RYR3: variants seen among roughly 807,000 people sequenced by gnomAD.
RYR3 encodes ryanodine receptor 3.
RYR3 carries 207 observed loss-of-function variants against 584.3 expected under a neutral mutation model. That is an observed-to-expected ratio of 0.35 (90% CI 0.32 to 0.40). The LOEUF (loss-of-function observed/expected upper bound fraction) is 0.40. Ranked by LOEUF, RYR3 falls within the 10% of genes least tolerant of loss-of-function variation. The pLI is 1.00. For missense variants in RYR3, 5,616 were observed against 6,089.2 expected, an observed-to-expected ratio of 0.92 and a Z score of 2.59; for synonymous variants, 2,416 against 2,248.5, an observed-to-expected ratio of 1.07 and a Z score of -2.11.
chr15:33,347,754 C>T (rs1972654267), intron 1 of RYR3, among the ~76,000 whole-genome samples: 1 of 152,022 alleles, frequency 6.6e-6, no homozygotes, highest in African/African-American at 2.4e-5. Flanking sequence ...TTTGTCATAG[C>T]CCATCAATTA....
At chr15:33,621,391 A>G (rs1410838469) in intron 19 of RYR3, among the ~76,000 whole-genome samples, 4 of 152,230 alleles carry the variant, frequency 2.6e-5, no homozygotes, top group Non-Finnish European at 5.9e-5. Context: ...ATCCAATTTT[A>G]TCCCATGGTT....
chr15:33,663,743 G>T lies in RYR3; in HGVS notation c.5619+6G>T. 1 of 1,596,264 alleles carries T rather than the reference G, an allele frequency of 6.3e-7. No homozygotes were observed. The highest frequency in any genetic ancestry group is 8.5e-7 in the Non-Finnish European group (1 of 1,172,100). On this transcript the variant is annotated splice_donor_region_variant and intron_variant, in intron 36 of 103. Transcript: ENST00000634891. The stretch of plus-strand genomic sequence containing the variant: ...GCTCACCCCCACAGGAGCAGGTGAG[G>T]GTCCTTCCTGAGCCTCTGTCCAGTT...
At chr15:33,772,510 A>G (rs2073654377) in intron 63 of RYR3, among the ~76,000 whole-genome samples, 1 of 152,212 alleles carries the variant, frequency 6.6e-6, no homozygotes, top group African/African-American at 2.4e-5. Flanking sequence ...TTTTTGAGAC[A>G]TCATTTTTCT....
At position 33,701,088 on chromosome 15, in the gene RYR3, G is replaced by T. The variant is rs776504203; in HGVS notation, c.6483+8G>T. 3.1e-6 allele frequency: 5 copies of T among 1,600,058 alleles called. No individual in the cohort carries two copies. Among genetic ancestry groups the T allele is most frequent in the Non-Finnish European group, 4.3e-6 (5 of 1,169,160 alleles). On this transcript the variant is annotated splice_region_variant and intron_variant, in intron 42 of 103. Transcript: ENST00000634891. Reference sequence around the variant, plus strand: ...GAACCAGACCTCGAGAAGGTAACCGGCCCTTGGGGTGGCAGTGTGGTGTTC... The same window carrying T: ...GAACCAGACCTCGAGAAGGTAACCGTCCCTTGGGGTGGCAGTGTGGTGTTC...
At chr15:33,459,942 G>A (rs563786078) in intron 1 of RYR3, among the ~76,000 whole-genome samples, 107 of 152,166 alleles carry the variant, frequency 7.0e-4, no homozygotes, top group Middle Eastern at 3.4e-3. Context: ...TTCTAGTCTC[G>A]GTTACAAAAG....
At position 33,348,625 on chromosome 15, in the gene RYR3, G is replaced by A. The variant is rs898636168; in HGVS notation, c.51+37529G>A. Among the ~76,000 whole-genome samples, 3 of 151,992 alleles carry A rather than the reference G, an allele frequency of 2.0e-5. No homozygotes were observed. The South Asian group carries it at 6.2e-4, about 32-fold the overall frequency. On this transcript the variant is annotated intron_variant, in intron 1 of 103. Coordinates refer to ENST00000634891, the MANE Select transcript of RYR3 (RefSeq NM_001036.6). ...TGAGTAGCTGGGACTACAGGCGTGC[G>A]CCACCATGCCCGGGCTAATTTTGTA... is the stretch of plus-strand genomic sequence containing the variant.
intron 38 of RYR3, among the ~76,000 whole-genome samples, chr15:33,676,905 G>T (rs967421339): frequency 6.6e-6 from 1 of 152,188 alleles, no homozygotes; most frequent in Non-Finnish European, 1.5e-5. Flanking sequence ...GGTAGCCTGT[G>T]CTTTAGTGAT....
At position 33,697,960 on chromosome 15, in the gene RYR3, G is replaced by A. The variant is rs773519679; in HGVS notation, c.6213G>A (p.Glu2071=). The A allele has an allele frequency of 6.2e-6, 10 of 1,613,572 alleles. No individual in the cohort carries two copies. The highest frequency in any genetic ancestry group is 8.5e-6 in the Non-Finnish European group (10 of 1,179,608). The part of the protein sequence containing the change: ...RVLGMHETVM[E]VMVNVLGTEK... The stretch of plus-strand genomic sequence containing the variant: ...TGGGCATGCACGAGACGGTGATGGA[G>A]GTGATGGTGAACGTGTTGGGTACAG... Residue 2071 remains glutamate, a synonymous_variant, in exon 40 of 104, where the codon GAG becomes GAA. Coordinates refer to ENST00000634891, the MANE Select transcript of RYR3 (RefSeq NM_001036.6).
At chr15:33,477,575 T>TAAAAA (rs3084422) in intron 2 of RYR3, among the ~76,000 whole-genome samples, 8,297 of 115,924 alleles carry the variant, frequency 0.072, 875 homozygotes, top group African/African-American at 0.23. Flanking sequence ...CTTGTTTTGT[T>TAAAAA]AAAAAAAAAA....
rs530626377 is a variant in RYR3 at position 33,554,542 on chromosome 15, C to T, written c.972+4226C>T. On this transcript the variant is annotated intron_variant, in intron 10 of 103. Transcript: ENST00000634891. ...CGATCTCCTGACCTCGTGATCCGCC[C>T]GCCTCGGCCTCCCAAAGTGCTGGGA... Among the ~76,000 whole-genome samples the T allele has an allele frequency of 1.7e-3, 258 of 152,164 alleles. 1 individual carries two copies. Among genetic ancestry groups the T allele is most frequent in the East Asian group, 0.011 (57 of 5,156 alleles).
At chr15:33,630,851 T>G (rs992028932) in intron 22 of RYR3, among the ~76,000 whole-genome samples, 6 of 152,226 alleles carry the variant, frequency 3.9e-5, no homozygotes, top group African/African-American at 1.4e-4. Context: ...CAAATTTCTC[T>G]TCTGTAATCT....
intron 102 of RYR3, among the ~76,000 whole-genome samples, chr15:33,863,714 A>ATGAC (rs1491197812): frequency 8.5e-5 from 13 of 152,176 alleles, no homozygotes; most frequent in Non-Finnish European, 7.4e-5. Flanking sequence ...TAACTTTTCC[A>ATGAC]TGACAGATAT....
chr15:33,578,613 G>T (rs186611500), intron 12 of RYR3, among the ~76,000 whole-genome samples: 115 of 152,158 alleles, frequency 7.6e-4, no homozygotes, highest in Admixed American at 4.1e-3. Context: ...GTCGAGGGGT[G>T]GGGGGTAGGA....
intron 49 of RYR3, among the ~76,000 whole-genome samples, chr15:33,737,142 T>G (rs897681146): frequency 6.6e-6 from 1 of 152,128 alleles, no homozygotes; most frequent in African/African-American, 2.4e-5. Context: ...TACTCACACT[T>G]GAGTGCAGTG....
chr15:33,738,362 T>C, intron 49 of RYR3, 88 bp from the exon 50 acceptor site: 1 of 1,334,996 alleles, frequency 7.5e-7, no homozygotes, highest in Non-Finnish European at 1.0e-6. Flanking sequence ...GGTCTCTGCT[T>C]ACTACTTGAT....
intron 1 of RYR3, among the ~76,000 whole-genome samples, chr15:33,453,410 C>G (rs1448387711): frequency 6.6e-6 from 1 of 152,110 alleles, no homozygotes; most frequent in Non-Finnish European, 1.5e-5. Flanking sequence ...CATAATATTC[C>G]TACCATTGTA....
At chr15:33,726,285 C>T (rs914546199) in intron 45 of RYR3, 101 bp from the exon 46 acceptor site, 4 of 1,306,732 alleles carry the variant, frequency 3.1e-6, no homozygotes, top group Non-Finnish European at 3.2e-6. Context: ...AGAAATGGAC[C>T]CCTGCCCTTA....
In RYR3 at chr15:33,543,691, C is replaced by T; in HGVS notation, c.716C>T (p.Thr239Ile). 6.2e-7 allele frequency: 1 copy of T among 1,612,112 alleles called. No homozygotes were observed. The highest frequency in any genetic ancestry group is 8.5e-7 in the Non-Finnish European group (1 of 1,178,266). The change falls in exon 8 of 104, where the codon ACA becomes ATA. Residue 239 changes from threonine to isoleucine, a missense_variant. Transcript: ENST00000634891. ...GHDECLTIPS[T>I]DQNDSQHRRI... Reference sequence around the variant, plus strand: ...GATGAATGTTTGACGATACCATCTACAGACCAGAATGATTCCCAGCACAGG... The same window carrying T: ...GATGAATGTTTGACGATACCATCTATAGACCAGAATGATTCCCAGCACAGG...
chr15:33,580,559 T>A (rs191940454), intron 13 of RYR3, among the ~76,000 whole-genome samples: 1 of 152,288 alleles, frequency 6.6e-6, no homozygotes, highest in Admixed American at 6.5e-5. Flanking sequence ...GAAGACGCTG[T>A]CTTATGTCAG....
Sources: allele counts gnomAD v4.1 joint callset (sites outside exome capture counted in the v4.1 genomes callset), GRCh38; gene constraint gnomAD v4.1.1; transcripts MANE v1.5; gene names NCBI Gene and HGNC (gene_info 2026-07-23, HGNC 2026-07-21).